MYO3B: variants seen among roughly 807,000 people sequenced by gnomAD.
MYO3B encodes the protein myosin-IIIb.
In MYO3B, 156 loss-of-function variants were observed where a neutral mutation model predicts 174.6. That is an observed-to-expected ratio of 0.89 (90% CI 0.78 to 1.02). The LOEUF (loss-of-function observed/expected upper bound fraction) is 1.02. Ranked by LOEUF, MYO3B falls within the 50% of genes least tolerant of loss-of-function variation. MYO3B has a pLI of 0.00. For synonymous variants in MYO3B, 563 were observed against 569.1 expected (o/e 0.99, Z 0.15); for missense variants, 1,632 against 1,639.4 (o/e 1.00, Z 0.08).
chr2:170,358,246 A>C (rs2094137331), intron 8 of MYO3B, among the ~76,000 whole-genome samples: 1 of 152,202 alleles, frequency 6.6e-6, no homozygotes. Flanking sequence ...ATATAATGAA[A>C]CATTATTTAA....
chr2:170,265,336 G>C (rs752623156), intron 7 of MYO3B, among the ~76,000 whole-genome samples: 2 of 152,190 alleles, frequency 1.3e-5, no homozygotes, highest in Non-Finnish European at 2.9e-5. Flanking sequence ...TTTCAGAAAG[G>C]TTCTAAAAGA....
At chr2:170,567,339 A>G (rs763719838) in intron 32 of MYO3B, among the ~76,000 whole-genome samples, 3 of 152,208 alleles carry the variant, frequency 2.0e-5, no homozygotes, top group Non-Finnish European at 4.4e-5. Context: ...GAATTTCTTT[A>G]AGATTCTCAG....
intron 21 of MYO3B, 60 bp downstream of exon 21, chr2:170,405,693 C>T: frequency 7.4e-7 from 1 of 1,350,498 alleles, no homozygotes; most frequent in Non-Finnish European, 1.1e-6. Context: ...GTCTGTATTA[C>T]CCTGTCTGTG....
At chr2:170,558,623 G>A (rs572360739) in intron 32 of MYO3B, among the ~76,000 whole-genome samples, 6 of 151,632 alleles carry the variant, frequency 4.0e-5, no homozygotes, top group South Asian at 2.1e-4. Context: ...GTATATTTTC[G>A]TTACTGTATA....
chr2:170,383,670 T>C (rs760792362), intron 11 of MYO3B, 40 bp from the exon 12 acceptor site: 2 of 1,477,244 alleles, frequency 1.4e-6, no homozygotes, highest in East Asian at 2.3e-5. Context: ...GAGTATTAGA[T>C]GGTCCAGGGG....
At chr2:170,553,986 G>C (rs965862607) in intron 32 of MYO3B, among the ~76,000 whole-genome samples, 15 of 152,122 alleles carry the variant, frequency 9.9e-5, no homozygotes, top group African/African-American at 3.4e-4. Flanking sequence ...TAAGTTTTCT[G>C]AGGCCTCCCC....
intron 28 of MYO3B, among the ~76,000 whole-genome samples, chr2:170,513,141 T>G (rs1224344336): frequency 6.6e-6 from 1 of 152,184 alleles, no homozygotes; most frequent in Non-Finnish European, 1.5e-5. Context: ...CTTGATCTTG[T>G]CCTTCTCTTT....
At chr2:170,503,909 A>ATAT (rs1328553333) in intron 28 of MYO3B, among the ~76,000 whole-genome samples, 1 of 152,228 alleles carries the variant, frequency 6.6e-6, no homozygotes, top group Admixed American at 6.5e-5. Flanking sequence ...GTAAAGATGC[A>ATAT]TGAATAGGGT....
chr2:170,653,550 C>T lies in MYO3B; in HGVS notation c.*429C>T, dbSNP rs185168117. 6.2e-4 allele frequency: 101 copies of T among 163,634 alleles called. No individual in the cohort carries two copies. The highest frequency in any genetic ancestry group is 2.2e-3 in the African/African-American group (90 of 41,842). 10.1% of individuals were successfully genotyped at this position (163,634 alleles called of 1,614,324 possible). A position where few individuals can be genotyped will look rare whatever the true frequency, so the allele number is the denominator to read the frequency against. The stretch of plus-strand genomic sequence containing the variant: ...TGGAGACCCAGGAGTTCCTTTCCTG[C>T]ACTCTTCTCCATCCTCCCACCTTTG... On this transcript the variant is annotated 3_prime_UTR_variant, in exon 35 of 35. Transcript: ENST00000408978.
chr2:170,579,404 A>C (rs913039513), intron 32 of MYO3B, among the ~76,000 whole-genome samples: 2 of 152,172 alleles, frequency 1.3e-5, no homozygotes, highest in Admixed American at 6.5e-5. Flanking sequence ...TTAACATTTT[A>C]CCGTATTTGC....
At chr2:170,368,659 C>T (rs1174817700) in intron 8 of MYO3B, among the ~76,000 whole-genome samples, 3 of 152,148 alleles carry the variant, frequency 2.0e-5, no homozygotes, top group African/African-American at 7.2e-5. Context: ...ATATTGTACT[C>T]ACTTCCTGTT....
chr2:170,301,129 T>C (rs775834398), intron 7 of MYO3B, among the ~76,000 whole-genome samples: 1 of 152,228 alleles, frequency 6.6e-6, no homozygotes, highest in Admixed American at 6.5e-5. Context: ...TTTCTTTGAA[T>C]GTTACACCAT....
chr2:170,226,581 G>A (rs1574614021), intron 6 of MYO3B, among the ~76,000 whole-genome samples: 1 of 152,338 alleles, frequency 6.6e-6, no homozygotes, highest in East Asian at 1.9e-4. Flanking sequence ...CTGGAGCTCT[G>A]TGGGGAGGTT....
Position 170,633,081 on chromosome 2 carries a change from A to C in MYO3B, c.3734-18547A>C, listed in dbSNP as rs1381425074. Among the ~76,000 whole-genome samples the C allele has an allele frequency of 2.6e-5, 4 of 152,306 alleles. No individual in the cohort carries two copies. The East Asian group carries it at 7.7e-4, about 29-fold the overall frequency. On this transcript the variant is annotated intron_variant, in intron 32 of 34. Transcript: ENST00000408978. ...GTACCATTCCTTTTGAAACTATTCC[A>C]ATCAATAGAAAAAGAGGGAATCCTC...
chr2:170,499,569 A>T (rs1687092136), intron 26 of MYO3B, 77 bp from the exon 27 acceptor site: 8 of 1,316,496 alleles, frequency 6.1e-6, no homozygotes, highest in Non-Finnish European at 8.5e-6. Context: ...TAATATTTTC[A>T]TTTAGAATAT....
intron 32 of MYO3B, among the ~76,000 whole-genome samples, chr2:170,650,147 C>T: frequency 6.7e-6 from 1 of 150,054 alleles, no homozygotes; most frequent in East Asian, 2.0e-4. Flanking sequence ...ATTCTCCTGC[C>T]TCAGCCTCTC....
intron 28 of MYO3B, among the ~76,000 whole-genome samples, chr2:170,511,828 A>G (rs2106116714): frequency 6.6e-6 from 1 of 152,312 alleles, no homozygotes; most frequent in South Asian, 2.1e-4. Flanking sequence ...AAGGAATACA[A>G]AACTGGGCCA....
intron 22 of MYO3B, among the ~76,000 whole-genome samples, chr2:170,410,730 G>A (rs1329813760): frequency 6.6e-6 from 1 of 152,080 alleles, no homozygotes; most frequent in African/African-American, 2.4e-5. Flanking sequence ...TGTTGGCAGT[G>A]GTCTGGCTCC....
At chr2:170,350,543 C>T (rs2094057846) in intron 8 of MYO3B, 1 of 152,246 alleles carries the variant, frequency 6.6e-6, no homozygotes, top group South Asian at 2.1e-4. Flanking sequence ...TTATAAGAAA[C>T]ATCACCATTT....
Sources: gnomAD v4.1 joint callset for allele counts (sites outside exome capture counted in the v4.1 genomes callset) on GRCh38, gnomAD v4.1.1 for gene constraint, MANE v1.5 for transcripts, NCBI Gene and HGNC (gene_info 2026-07-23, HGNC 2026-07-21) for gene names.